The following SPSB4 variants were observed in gnomAD, a reference collection of about 807,000 sequenced individuals.
The protein encoded by SPSB4 is splA/ryanodine receptor domain and SOCS box containing 4, also known as SPRY domain-containing SOCS box protein 4.
A neutral mutation model predicts 20.9 loss-of-function variants in SPSB4; 21 were observed. That is an observed-to-expected ratio of 1.01 (90% confidence interval 0.71 to 1.45). The LOEUF (loss-of-function observed/expected upper bound fraction) is 1.45, where lower values mean the gene tolerates loss of function less well. Ranked by LOEUF, SPSB4 falls within the 40% of genes most tolerant of loss-of-function variation. SPSB4 has a pLI of 0.00. For missense variants in SPSB4, 399 were observed against 399.2 expected (o/e 1.00, Z 0.00); for synonymous variants, 207 against 183.8 (o/e 1.13, Z -1.02).
intron 2 of SPSB4, among the ~76,000 whole-genome samples, chr3:141,137,116 T>C (rs542031672): frequency 6.6e-6 from 1 of 152,226 alleles, no homozygotes; most frequent in South Asian, 2.1e-4. Flanking sequence ...TGAATGGGAG[T>C]TCACTCATGA....
chr3:141,128,083 C>A (rs1939076480), intron 2 of SPSB4, among the ~76,000 whole-genome samples: 1 of 152,160 alleles, frequency 6.6e-6, no homozygotes, highest in Non-Finnish European at 1.5e-5. Context: ...GAAGAGACGG[C>A]CCTGCGGCCT....
intron 2 of SPSB4, among the ~76,000 whole-genome samples, chr3:141,090,532 G>A (rs1009539325): frequency 6.6e-6 from 1 of 152,138 alleles, no homozygotes; most frequent in Non-Finnish European, 1.5e-5. Context: ...GAGGGAGTGA[G>A]CTATGTGGGT....
chr3:141,145,036 G>A (rs567778011), intron 2 of SPSB4, among the ~76,000 whole-genome samples: 8 of 152,218 alleles, frequency 5.3e-5, no homozygotes, highest in African/African-American at 1.9e-4. Flanking sequence ...CACAGTGATT[G>A]GGTGACTGGG....
At chr3:141,092,215 A>G (rs760676470) in intron 2 of SPSB4, among the ~76,000 whole-genome samples, 1 of 152,232 alleles carries the variant, frequency 6.6e-6, no homozygotes, top group Non-Finnish European at 1.5e-5. Context: ...CTCTTCTGCA[A>G]GATGGGAGGG....
chr3:141,122,295 G>A (rs745721418), intron 2 of SPSB4, among the ~76,000 whole-genome samples: 20 of 152,220 alleles, frequency 1.3e-4, no homozygotes, highest in East Asian at 9.7e-4. Flanking sequence ...TGGGAGCTTC[G>A]TCCCAGAGGG....
At chr3:141,103,191 T>C (rs1938639395) in intron 2 of SPSB4, among the ~76,000 whole-genome samples, 1 of 152,218 alleles carries the variant, frequency 6.6e-6, no homozygotes, top group African/African-American at 2.4e-5. Flanking sequence ...CCCTCTGAGC[T>C]GGCTCCATTT....
chr3:141,099,713 G>A (rs1938588887), intron 2 of SPSB4, among the ~76,000 whole-genome samples: 1 of 152,166 alleles, frequency 6.6e-6, no homozygotes, highest in African/African-American at 2.4e-5. Flanking sequence ...AATTTTTGTG[G>A]TGTGAGCTTG....
chr3:141,080,013 T>A (rs964777070), intron 2 of SPSB4, among the ~76,000 whole-genome samples: 1 of 151,882 alleles, frequency 6.6e-6, no homozygotes, highest in Admixed American at 6.6e-5. Context: ...CATTCCACTA[T>A]TTTTTTTAAA....
At chr3:141,066,863 G>C (rs1937896683) in intron 2 of SPSB4, 65 bp downstream of exon 2, 1 of 1,444,758 alleles carries the variant, frequency 6.9e-7, no homozygotes, top group East Asian at 2.4e-5. Flanking sequence ...AAGCTGGGCA[G>C]GCCACACCTC....
At chr3:141,129,989 G>A (rs1939109622) in intron 2 of SPSB4, among the ~76,000 whole-genome samples, 1 of 152,244 alleles carries the variant, frequency 6.6e-6, no homozygotes, top group African/African-American at 2.4e-5. Context: ...TGTCCCAGCT[G>A]TAGTCACAAC....
At chr3:141,113,890 G>A (rs751193678) in intron 2 of SPSB4, among the ~76,000 whole-genome samples, 10 of 152,196 alleles carry the variant, frequency 6.6e-5, no homozygotes, top group Non-Finnish European at 1.2e-4. Context: ...GAGTCCAGGA[G>A]TTTGAGACCA....
At chr3:141,127,000 C>G (rs772542097) in intron 2 of SPSB4, among the ~76,000 whole-genome samples, 9 of 152,232 alleles carry the variant, frequency 5.9e-5, no homozygotes, top group Non-Finnish European at 1.2e-4. Context: ...CACTCCCCGC[C>G]CAACCCAAAC....
chr3:141,072,430 T>C (rs1368111297), intron 2 of SPSB4, among the ~76,000 whole-genome samples: 1 of 152,192 alleles, frequency 6.6e-6, no homozygotes, highest in Non-Finnish European at 1.5e-5. Context: ...GGCAGATACA[T>C]CATGAATGGC....
chr3:141,076,360 T>C (rs958205340), intron 2 of SPSB4, among the ~76,000 whole-genome samples: 2 of 152,274 alleles, frequency 1.3e-5, no homozygotes, highest in Non-Finnish European at 1.5e-5. Context: ...CAAATTCTTA[T>C]AGTTGCCAAT....
intron 2 of SPSB4, among the ~76,000 whole-genome samples, chr3:141,071,001 T>C (rs1937992186): frequency 6.6e-6 from 1 of 152,166 alleles, no homozygotes; most frequent in Admixed American, 6.5e-5. Context: ...TCCCTGTCAT[T>C]TTTCCTCCTC....
intron 1 of SPSB4, among the ~76,000 whole-genome samples, chr3:141,055,669 C>G (rs1018271736): frequency 1.3e-5 from 2 of 152,110 alleles, no homozygotes; most frequent in Non-Finnish European, 2.9e-5. Flanking sequence ...TGGTGGGGAC[C>G]AAGAGACGGG....
chr3:141,102,486 G>A (rs1938627139), intron 2 of SPSB4, among the ~76,000 whole-genome samples: 1 of 152,158 alleles, frequency 6.6e-6, no homozygotes, highest in Non-Finnish European at 1.5e-5. Flanking sequence ...GAACCTCTAA[G>A]CTTAGAGGAG....
intron 2 of SPSB4, among the ~76,000 whole-genome samples, chr3:141,070,204 AAAT>A (rs1553737921): frequency 2.6e-5 from 4 of 151,510 alleles, no homozygotes; most frequent in Admixed American, 6.6e-5. Flanking sequence ...TCCAGGGCAC[AAAT>A]AATAATAATA....
At chr3:141,137,314 T>C (rs1939245991) in intron 2 of SPSB4, among the ~76,000 whole-genome samples, 1 of 152,202 alleles carries the variant, frequency 6.6e-6, no homozygotes, top group Non-Finnish European at 1.5e-5. Flanking sequence ...CCTCTTTTCC[T>C]AATTGAATGC....
Sources: gnomAD v4.1 joint callset for allele counts (sites outside exome capture counted in the v4.1 genomes callset) on GRCh38, gnomAD v4.1.1 for gene constraint, MANE v1.5 for transcripts, NCBI Gene and HGNC (gene_info 2026-07-23, HGNC 2026-07-21) for gene names.